The following HTD2 variants were observed in gnomAD, a reference collection of about 807,000 sequenced individuals.
HTD2 encodes hydroxyacyl-thioester dehydratase type 2, also known as hydroxyacyl-thioester dehydratase type 2, mitochondrial.
Under a neutral mutation model 3.1 loss-of-function variants are expected in HTD2, and 1 was observed. That is an observed-to-expected ratio of 0.32 (90% CI 0.11 to 1.52). The LOEUF (loss-of-function observed/expected upper bound fraction) is 1.52. HTD2 is among the 40% of genes most tolerant of loss of function. HTD2 has a pLI of 0.39. For missense variants in HTD2, 150 were observed against 79.6 expected (o/e 1.88, Z -3.36); for synonymous variants, 50 against 28.9 (o/e 1.73, Z -2.34).
chr3:58,317,078 T>G, intron 4 of HTD2, 85 bp downstream of exon 4: 1 of 961,284 alleles, frequency 1.0e-6, no homozygotes, highest in Non-Finnish European at 1.6e-6. Flanking sequence ...TTTTTGTGCT[T>G]GCATAAATGT....
At chr3:58,316,628 G>A (rs2097488552) in intron 3 of HTD2, 37 bp downstream of exon 3, 1 of 1,560,412 alleles carries the variant, frequency 6.4e-7, no homozygotes, top group Non-Finnish European at 8.8e-7. Context: ...GTATAACAGG[G>A]CAGAGAGACC....
At chr3:58,311,914 C>G (rs924021808) in intron 2 of HTD2, among the ~76,000 whole-genome samples, 1 of 152,050 alleles carries the variant, frequency 6.6e-6, no homozygotes, top group Non-Finnish European at 1.5e-5. Flanking sequence ...GCCGTGATGC[C>G]CAGGGTGGAG....
At position 58,317,764 on chromosome 3, in the gene HTD2, A is replaced by G. The variant is rs1575548992; in HGVS notation, c.151A>G (p.Thr51Ala). 1.4e-6 allele frequency: 1 copy of G among 703,194 alleles called. No homozygotes were observed. Among genetic ancestry groups the G allele is most frequent in the East Asian group, 2.7e-5 (1 of 37,286 alleles). The allele number at this position is 703,194 out of a possible 1,614,324, so 43.6% of individuals were successfully genotyped here. The change falls in exon 5 of 5, where the codon ACT becomes GCT. Residue 51 changes from threonine to alanine, a missense_variant. Coordinates refer to ENST00000461393, the MANE Select transcript of HTD2 (RefSeq NM_001348712.2). Reference protein sequence around the residue: ...RAELRRAFTQTDVATFSELTG... With the variant: ...RAELRRAFTQADVATFSELTG... ...TGAACTTAGGAGGGCCTTCACACAG[A>G]CTGATGTGGCTACCTTCTCAGAATT...
At position 58,319,007 on chromosome 3, in the gene HTD2, G is replaced by T. The variant is rs570526383; in HGVS notation, c.*887G>T. On this transcript the variant is annotated 3_prime_UTR_variant, in exon 5 of 5. Transcript: ENST00000461393. ...AACTCCACCTCAAAAAAAAAAAAAA[G>T]ATTCTACTTTTAGAAATTCAGACCT... 6.6e-6 allele frequency: 1 copy of T among 151,140 alleles called. No homozygotes were observed. The highest frequency in any genetic ancestry group is 1.5e-5 in the Non-Finnish European group (1 of 67,762). 9.4% of individuals were successfully genotyped at this position (151,140 alleles called of 1,614,324 possible). A position where few individuals can be genotyped will look rare whatever the true frequency, so the allele number is the denominator to read the frequency against.
At chr3:58,311,779 G>A (rs2097482519) in intron 2 of HTD2, among the ~76,000 whole-genome samples, 1 of 151,638 alleles carries the variant, frequency 6.6e-6, no homozygotes. Flanking sequence ...ATGCCCAGCT[G>A]CACATGTCTT....
chr3:58,307,174 C>T (rs143479141), intron 1 of HTD2, among the ~76,000 whole-genome samples: 19 of 152,286 alleles, frequency 1.2e-4, no homozygotes, highest in African/African-American at 4.1e-4. Flanking sequence ...GGGAGAATGG[C>T]AGGACATGAA....
chr3:58,314,963 G>C (rs887218940), intron 2 of HTD2, among the ~76,000 whole-genome samples: 1 of 152,086 alleles, frequency 6.6e-6, no homozygotes, highest in African/African-American at 2.4e-5. Context: ...GGGATTACAG[G>C]TGTGAGCCAC....
At chr3:58,307,628 A>C (rs2107497598) in intron 1 of HTD2, 1 of 152,324 alleles carries the variant, frequency 6.6e-6, no homozygotes, top group African/African-American at 2.4e-5. Context: ...CAGGAGACTG[A>C]GGAGCGAGAA....
At chr3:58,310,414 T>G (rs1186135319) in intron 1 of HTD2, 93 bp from the exon 2 acceptor site, 1 of 1,613,534 alleles carries the variant, frequency 6.2e-7, no homozygotes, top group Non-Finnish European at 8.5e-7. Flanking sequence ...CCTGTAAGTT[T>G]AGTTTCCTAA....
intron 2 of HTD2, among the ~76,000 whole-genome samples, chr3:58,314,600 A>G (rs2097486199): frequency 6.6e-6 from 1 of 152,068 alleles, no homozygotes; most frequent in South Asian, 2.1e-4. Context: ...GCAAGAATGC[A>G]AAGAAACTAG....
chr3:58,307,627 G>A (rs568864064), intron 1 of HTD2: 1 of 152,312 alleles, frequency 6.6e-6, no homozygotes. Context: ...TCAGGAGACT[G>A]AGGAGCGAGA....
At chr3:58,310,352 A>G (rs2097480781) in intron 1 of HTD2, 155 bp from the exon 2 acceptor site, 2 of 1,614,222 alleles carry the variant, frequency 1.2e-6, no homozygotes, top group Non-Finnish European at 1.7e-6. Flanking sequence ...GCTGCCACAT[A>G]TGAAAGAGTA....
Position 58,319,665 on chromosome 3 carries a change from A to G in HTD2, c.*1545A>G, listed in dbSNP as rs1191534684. On this transcript the variant is annotated 3_prime_UTR_variant, in exon 5 of 5. Coordinates refer to ENST00000461393, the MANE Select transcript of HTD2 (RefSeq NM_001348712.2). ...AAAAAATTGTAAGAAATAAATATTA[A>G]GAAGATTATGGAGGCCAAATTCTTA... is the stretch of plus-strand genomic sequence containing the variant. 6.6e-6 allele frequency: 1 copy of G among 152,216 alleles called. No homozygotes were observed. Among genetic ancestry groups the G allele is most frequent in the Admixed American group, 6.5e-5 (1 of 15,282 alleles). The allele number at this position is 152,216 out of a possible 1,614,324, so 9.4% of individuals were successfully genotyped here.
chr3:58,314,894 C>T (rs1424322104), intron 2 of HTD2, among the ~76,000 whole-genome samples: 1 of 151,898 alleles, frequency 6.6e-6, no homozygotes, highest in Non-Finnish European at 1.5e-5. Context: ...ACCATGTTGA[C>T]CAGGATGGTC....
intron 1 of HTD2, chr3:58,310,204 C>G (rs2097480592): frequency 2.5e-6 from 2 of 813,218 alleles, no homozygotes; most frequent in South Asian, 3.1e-5. Flanking sequence ...GAGACCCTGC[C>G]TTAAAACAAA....
intron 1 of HTD2, among the ~76,000 whole-genome samples, chr3:58,309,012 G>T (rs182113358): frequency 2.6e-5 from 4 of 152,328 alleles, no homozygotes; most frequent in African/African-American, 7.2e-5. Context: ...TGCATTGAGT[G>T]CCCCTTCCAG....
intron 3 of HTD2, 141 bp downstream of exon 3, chr3:58,316,732 A>G: frequency 1.1e-6 from 1 of 882,484 alleles, no homozygotes; most frequent in Non-Finnish European, 1.8e-6. Flanking sequence ...GATGAATATG[A>G]ACATTCATCC....
rs749345587 is a variant in HTD2, at chr3:58,310,292, C to T, written c.-415-215C>T. Reference sequence around the variant, plus strand: ...GCATGTGCATTGGTCATTTCTAGCCCTCTTGACTTACTGTAGGTGTGATCA... The same window carrying T: ...GCATGTGCATTGGTCATTTCTAGCCTTCTTGACTTACTGTAGGTGTGATCA... On this transcript the variant is annotated intron_variant, in intron 1 of 4. Transcript: ENST00000461393. 4.4e-6 allele frequency: 7 copies of T among 1,584,344 alleles called. No individual in the cohort carries two copies. The East Asian group carries it at 1.6e-4, about 35-fold the overall frequency.
intron 2 of HTD2, among the ~76,000 whole-genome samples, chr3:58,313,577 CTT>C (rs1347571142): frequency 1.3e-5 from 2 of 152,222 alleles, no homozygotes; most frequent in African/African-American, 2.4e-5. Flanking sequence ...AATCCCACCA[CTT>C]TTGAGAGGCC....
Sources: allele counts gnomAD v4.1 joint callset (sites outside exome capture counted in the v4.1 genomes callset), GRCh38; gene constraint gnomAD v4.1.1; transcripts MANE v1.5; gene names NCBI Gene and HGNC (gene_info 2026-07-23, HGNC 2026-07-21).